Variants in ABCA8 observed in about 807,000 individuals in gnomAD.
ABCA8 encodes ATP binding cassette subfamily A member 8.
ABCA8 carries 177 observed loss-of-function variants against 192.3 expected under a neutral mutation model. The ratio of observed to expected loss-of-function variants is 0.92; its 90% confidence interval spans 0.81 to 1.04. The LOEUF is 1.04. Among genes scored for constraint, ABCA8 ranks in the 50% least tolerant of loss-of-function variants. ABCA8 has a pLI of 0.00. For missense variants in ABCA8, 1,915 were observed against 1,904.8 expected (o/e 1.01, Z -0.10); for synonymous variants, 642 against 690.2 (o/e 0.93, Z 1.09).
In ABCA8 at chr17:68,890,444, T is replaced by G. The variant is rs528185591; in HGVS notation, c.3144+1045A>C. ...TCTTTACATATTTTTGATACAAATCTTTGTCACATATATAAGTATAGTTAA... is the reference window on the plus strand; with the variant it reads ...TCTTTACATATTTTTGATACAAATCGTTGTCACATATATAAGTATAGTTAA... On this transcript the variant is annotated intron_variant, in intron 24 of 39. Transcript: ENST00000586539. Among the ~76,000 whole-genome samples the G allele has an allele frequency of 7.2e-5, 11 of 152,330 alleles. No homozygotes were observed. In the East Asian group the frequency reaches 2.1e-3, roughly 29 times the overall value.
At chr17:68,923,062 A>G (rs765639152) in intron 11 of ABCA8, among the ~76,000 whole-genome samples, 4 of 152,184 alleles carry the variant, frequency 2.6e-5, no homozygotes, top group African/African-American at 4.8e-5. Flanking sequence ...TAGGCGATAA[A>G]TCTGCATGGT....
At position 68,927,996 on chromosome 17, in the gene ABCA8, A is replaced by C. The variant is rs776975207; in HGVS notation, c.1193T>G (p.Ile398Ser). Residue 398 changes from isoleucine to serine, a missense_variant, in exon 10 of 40, where the codon ATT (isoleucine) becomes AGT (serine). Physicochemically the swap from Ile to Ser is moderately radical, Grantham distance 142 (BLOSUM62 -2). Transcript: ENST00000586539. ...TGCCAACATGAAATTTGTTGCTACA[A>C]TGAGATTTGAGCCGTCCGATGGATG... is the stretch of plus-strand genomic sequence containing the variant. ...FPHPSDGSNL[I>S]VATNFMLAFD... 6.2e-7 allele frequency: 1 copy of C among 1,609,126 alleles called. No homozygotes were observed. Among genetic ancestry groups the C allele is most frequent in the South Asian group, 1.1e-5 (1 of 89,544 alleles).
intron 4 of ABCA8, among the ~76,000 whole-genome samples, chr17:68,939,591 G>T (rs1255518131): frequency 6.6e-6 from 1 of 152,070 alleles, no homozygotes; most frequent in African/African-American, 2.4e-5. Context: ...TGGAGAGTCT[G>T]CAGACCAACT....
intron 32 of ABCA8, chr17:68,878,739 G>A (rs1016169648): frequency 6.6e-6 from 1 of 152,242 alleles, no homozygotes; most frequent in South Asian, 2.1e-4. Flanking sequence ...GGGTGTCCAT[G>A]ATTGAAGTTA....
rs77930686 is a variant in ABCA8 at position 68,905,330 on chromosome 17, C to T, written c.2398+714G>A. Among the ~76,000 whole-genome samples the T allele has an allele frequency of 2.1e-4, 32 of 152,228 alleles. No individual in the cohort carries two copies. In the East Asian group the frequency reaches 3.3e-3, roughly 16 times the overall value. On this transcript the variant is annotated intron_variant, in intron 19 of 39. Coordinates refer to ENST00000586539, the MANE Select transcript of ABCA8 (RefSeq NM_001288985.2). Reference sequence around the variant, plus strand: ...TTACTGATAACGGTCATCAGTCACACGGTCCACATGTTAGAATTAAAATAC... The same window carrying T: ...TTACTGATAACGGTCATCAGTCACATGGTCCACATGTTAGAATTAAAATAC...
chr17:68,954,478 A>G (rs2068658612), intron 1 of ABCA8, among the ~76,000 whole-genome samples: 1 of 152,100 alleles, frequency 6.6e-6, no homozygotes, highest in African/African-American at 2.4e-5. Flanking sequence ...GCTAGCAAAA[A>G]CATGAATACT....
intron 1 of ABCA8, among the ~76,000 whole-genome samples, chr17:68,953,448 G>T (rs375649250): frequency 2.7e-4 from 41 of 152,264 alleles, no homozygotes; most frequent in African/African-American, 9.6e-4. Flanking sequence ...ACTTTCTAGA[G>T]CCAAATCTCA....
intron 11 of ABCA8, 38 bp from the exon 12 acceptor site, chr17:68,922,338 C>T: frequency 7.9e-7 from 1 of 1,269,436 alleles, no homozygotes; most frequent in Non-Finnish European, 1.1e-6. Context: ...TGACAATTTT[C>T]TTCAGTTTGT....
chr17:68,922,236 T>TAAAA lies in ABCA8; in HGVS notation c.1501+5_1501+6insTTTT. On this transcript the variant is annotated splice_donor_region_variant and intron_variant, in intron 12 of 39. Transcript: ENST00000586539. ...TTTTTTTTTTTTTTTTTTTTTTTTT[T>TAAAA]TTTACCTTTCAAGGCTTCTATTTTA... is the stretch of plus-strand genomic sequence containing the variant. 8.8e-6 allele frequency: 4 copies of TAAAA among 452,830 alleles called. No homozygotes were observed. Among genetic ancestry groups the TAAAA allele is most frequent in the Non-Finnish European group, 1.3e-5 (4 of 308,230 alleles). The allele number at this position is 452,830 out of a possible 1,614,324, so 28.1% of individuals were successfully genotyped here.
At chr17:68,875,521 T>C in intron 36 of ABCA8, 93 bp downstream of exon 36, 3 of 1,587,918 alleles carry the variant, frequency 1.9e-6, no homozygotes, top group Non-Finnish European at 2.6e-6. Flanking sequence ...GGCACAGTCA[T>C]TTCAGCTGTT....
intron 37 of ABCA8, among the ~76,000 whole-genome samples, chr17:68,870,463 A>C (rs2066020666): frequency 6.6e-6 from 1 of 152,220 alleles, no homozygotes; most frequent in Admixed American, 6.5e-5. Flanking sequence ...AAGATCTCTA[A>C]AGCTTATTCA....
chr17:68,941,044 CT>C, intron 3 of ABCA8, 82 bp from the exon 4 acceptor site: 2 of 1,114,810 alleles, frequency 1.8e-6, no homozygotes, highest in Non-Finnish European at 2.5e-6. Context: ...AAGTTTGCCT[CT>C]TTTTTACTTT....
At position 68,929,699 on chromosome 17, in the gene ABCA8, G is replaced by A. The variant is rs114603216; in HGVS notation, c.801C>T (p.Leu267=). 3 of 1,599,368 alleles carry A rather than the reference G, an allele frequency of 1.9e-6. No homozygotes were observed. The highest frequency in any genetic ancestry group is 1.1e-5 in the South Asian group (1 of 88,720). ...AACCAGCATAGAGCAAACCCCAGGA[G>A]AGCCTAATGTGGAAACAAAATGTTA... ...MMGLRDSAFW[L]SWGLLYAGFI... is the part of the protein sequence containing the mutation. Residue 267 remains leucine (L), a synonymous_variant, in exon 8 of 40, where the codon CTC becomes CTT. Coordinates refer to ENST00000586539, the MANE Select transcript of ABCA8 (RefSeq NM_001288985.2).
intron 17 of ABCA8, among the ~76,000 whole-genome samples, chr17:68,916,410 A>G (rs2067364957): frequency 6.6e-6 from 1 of 152,168 alleles, no homozygotes; most frequent in African/African-American, 2.4e-5. Context: ...CAAAGAAATG[A>G]TTAATGCTTG....
At chr17:68,934,576 G>T (rs1440591415) in intron 5 of ABCA8, among the ~76,000 whole-genome samples, 1 of 152,064 alleles carries the variant, frequency 6.6e-6, no homozygotes, top group African/African-American at 2.4e-5. Flanking sequence ...AAATGCCTTG[G>T]GTCTAGCTAT....
At chr17:68,919,184 T>TCTTGTC in intron 14 of ABCA8, 117 bp downstream of exon 14, 2 of 988,106 alleles carry the variant, frequency 2.0e-6, no homozygotes, top group Non-Finnish European at 2.9e-6. Context: ...AATTGGATTT[T>TCTTGTC]CTTGTCCAAC....
intron 7 of ABCA8, among the ~76,000 whole-genome samples, chr17:68,931,517 A>G (rs921724076): frequency 1.3e-5 from 2 of 151,908 alleles, no homozygotes; most frequent in Non-Finnish European, 2.9e-5. Flanking sequence ...TTTACTTTTT[A>G]TGTTTCTTTA....
chr17:68,895,093 G>T (rs563254253), intron 21 of ABCA8, 80 bp from the exon 22 acceptor site: 3 of 1,267,638 alleles, frequency 2.4e-6, no homozygotes, highest in Non-Finnish European at 2.1e-6. Flanking sequence ...TACAGTTAAT[G>T]TCATTATGTG....
At chr17:68,907,700 T>G (rs1420234300) in intron 18 of ABCA8, 40 bp downstream of exon 18, 2 of 1,507,100 alleles carry the variant, frequency 1.3e-6, no homozygotes, top group Non-Finnish European at 1.8e-6. Context: ...ATGATGACTA[T>G]TATTCACATA....
Sources: gnomAD v4.1 joint callset for allele counts (sites outside exome capture counted in the v4.1 genomes callset) on GRCh38, gnomAD v4.1.1 for gene constraint, MANE v1.5 for transcripts, NCBI Gene and HGNC (gene_info 2026-07-23, HGNC 2026-07-21) for gene names.